Variants in HMGA2 observed in about 807,000 individuals in gnomAD.
The protein encoded by HMGA2 is high mobility group AT-hook 2.
Under a neutral mutation model 19.1 loss-of-function variants are expected in HMGA2, and 8 were observed. The ratio of observed to expected loss-of-function variants is 0.42; its 90% CI spans 0.25 to 0.76. The LOEUF (loss-of-function observed/expected upper bound fraction) is 0.76. Among genes scored for constraint, HMGA2 ranks in the 30% least tolerant of loss-of-function variants. HMGA2 has a pLI of 0.28. For missense variants in HMGA2, 109 were observed against 136.3 expected, an observed-to-expected ratio of 0.80 and a Z score of 1.00; for synonymous variants, 60 against 48.8, an observed-to-expected ratio of 1.23 and a Z score of -0.96.
At chr12:65,944,746 G>A (rs564733927) in intron 3 of HMGA2, among the ~76,000 whole-genome samples, 1 of 152,306 alleles carries the variant, frequency 6.6e-6, no homozygotes, top group African/African-American at 2.4e-5. Flanking sequence ...AAAAATGCCA[G>A]TTCAGCTAGC....
chr12:65,961,582 C>T (rs972685438), intron 4 of HMGA2, among the ~76,000 whole-genome samples: 4 of 152,150 alleles, frequency 2.6e-5, no homozygotes, highest in African/African-American at 9.7e-5. Flanking sequence ...TTGATGCTGC[C>T]GTGGTTATAT....
intron 3 of HMGA2, among the ~76,000 whole-genome samples, chr12:65,946,351 A>T (rs1185954733): frequency 6.6e-6 from 1 of 152,160 alleles, no homozygotes; most frequent in Non-Finnish European, 1.5e-5. Flanking sequence ...GAAGCAAAGG[A>T]TCTAATTATA....
intron 2 of HMGA2, among the ~76,000 whole-genome samples, chr12:65,833,288 T>C (rs1257016544): frequency 1.3e-5 from 2 of 152,144 alleles, no homozygotes; most frequent in Non-Finnish European, 1.5e-5. Flanking sequence ...TTATACTGTT[T>C]ATATTTTTAA....
At chr12:65,934,297 G>A (rs1408970585) in intron 3 of HMGA2, among the ~76,000 whole-genome samples, 1 of 152,108 alleles carries the variant, frequency 6.6e-6, no homozygotes, top group East Asian at 1.9e-4. Context: ...GTATTGCCTG[G>A]ATCCAGTGAC....
At chr12:65,881,593 G>A in intron 3 of HMGA2, 1 of 637,306 alleles carries the variant, frequency 1.6e-6, no homozygotes, top group Non-Finnish European at 2.8e-6. Flanking sequence ...AACTGTCCTG[G>A]CCTGAGTATT....
At chr12:65,911,609 G>A (rs564111765) in intron 3 of HMGA2, among the ~76,000 whole-genome samples, 2 of 152,210 alleles carry the variant, frequency 1.3e-5, no homozygotes, top group Admixed American at 6.5e-5. Flanking sequence ...TAGCATGTTC[G>A]ATTCCACAAA....
chr12:65,834,970 T>C (rs925182964), intron 2 of HMGA2, among the ~76,000 whole-genome samples: 3 of 152,328 alleles, frequency 2.0e-5, no homozygotes, highest in Admixed American at 6.5e-5. Flanking sequence ...TAATGAGATA[T>C]GATTGTTGTA....
chr12:65,930,072 A>T (rs895623323), intron 3 of HMGA2, among the ~76,000 whole-genome samples: 1 of 152,182 alleles, frequency 6.6e-6, no homozygotes. Context: ...AGTAGAATAT[A>T]TTGTAAGCCC....
At chr12:65,885,357 G>A (rs544788348) in intron 3 of HMGA2, among the ~76,000 whole-genome samples, 2 of 152,120 alleles carry the variant, frequency 1.3e-5, no homozygotes, top group South Asian at 2.1e-4. Context: ...CAGATACAAA[G>A]GATTGTTGTT....
In HMGA2 at chr12:65,964,606, C is replaced by A. The variant is rs1334079662; in HGVS notation, c.*1314C>A. The A allele has an allele frequency of 1.4e-5, 3 of 214,078 alleles. No homozygotes were observed. The highest frequency in any genetic ancestry group is 2.8e-5 in the Non-Finnish European group (3 of 105,940). The allele number at this position is 214,078 out of a possible 1,614,324, so 13.3% of individuals were successfully genotyped here. A position where few individuals can be genotyped will look rare whatever the true frequency, so the allele number is the denominator to read the frequency against. ...AGTACTTATTACATGCTGCTATACA[C>A]AAGCAATGCAAGAAAAAAACTTACT... On this transcript the variant is annotated 3_prime_UTR_variant, in exon 5 of 5. Transcript: ENST00000403681.
chr12:65,853,541 A>G (rs1871579578), intron 3 of HMGA2, among the ~76,000 whole-genome samples: 2 of 152,136 alleles, frequency 1.3e-5, no homozygotes, highest in South Asian at 4.1e-4. Context: ...AGCCGCAGTG[A>G]TCCATATGGG....
At chr12:65,924,438 G>T (rs1462239792) in intron 3 of HMGA2, among the ~76,000 whole-genome samples, 2 of 151,754 alleles carry the variant, frequency 1.3e-5, no homozygotes, top group African/African-American at 2.4e-5. Context: ...TCAGCCTACC[G>T]CAAGACCTCC....
chr12:65,902,275 T>C (rs1054196979), intron 3 of HMGA2, among the ~76,000 whole-genome samples: 7 of 152,204 alleles, frequency 4.6e-5, no homozygotes, highest in Admixed American at 3.3e-4. Context: ...CTTCCATAGA[T>C]AGTAATAAAC....
At chr12:65,935,068 G>T (rs1875845263) in intron 3 of HMGA2, 1 of 152,178 alleles carries the variant, frequency 6.6e-6, no homozygotes, top group South Asian at 2.1e-4. Context: ...TTGCCCCCCA[G>T]TAGAAGGGAA....
At chr12:65,891,806 C>T (rs1033823720) in intron 3 of HMGA2, among the ~76,000 whole-genome samples, 1 of 152,176 alleles carries the variant, frequency 6.6e-6, no homozygotes, top group Admixed American at 6.5e-5. Flanking sequence ...TTTCCTCACT[C>T]ATAGTATTAA....
At chr12:65,952,587 G>A in intron 4 of HMGA2, 1 of 1,138,458 alleles carries the variant, frequency 8.8e-7, no homozygotes, top group South Asian at 2.7e-5. Context: ...GGAGAGGGGT[G>A]CTAAAAAAAA....
chr12:65,915,176 C>T (rs1419772977), intron 3 of HMGA2: 3 of 1,611,094 alleles, frequency 1.9e-6, no homozygotes, highest in African/African-American at 1.3e-5. Flanking sequence ...TTATTTTCAC[C>T]TTGAGGAATT....
chr12:65,853,966 G>T (rs1335807629), intron 3 of HMGA2, among the ~76,000 whole-genome samples: 2 of 152,208 alleles, frequency 1.3e-5, no homozygotes, highest in African/African-American at 4.8e-5. Flanking sequence ...TTTACAACAA[G>T]GCTTCCCATG....
At chr12:65,927,974 T>C (rs1231803830) in intron 3 of HMGA2, among the ~76,000 whole-genome samples, 1 of 149,064 alleles carries the variant, frequency 6.7e-6, no homozygotes, top group African/African-American at 2.4e-5. Context: ...TATGTATGTA[T>C]GTATATATGT....
Sources: gnomAD v4.1 joint callset for allele counts (sites outside exome capture counted in the v4.1 genomes callset) on GRCh38, gnomAD v4.1.1 for gene constraint, MANE v1.5 for transcripts, NCBI Gene and HGNC (gene_info 2026-07-23, HGNC 2026-07-21) for gene names.